The following MPRIP variants were observed in gnomAD, a reference collection of about 807,000 sequenced individuals.
MPRIP encodes myosin phosphatase Rho interacting protein, also known as myosin phosphatase Rho-interacting protein.
MPRIP carries 59 observed loss-of-function variants against 234.9 expected under a neutral mutation model. The ratio of observed to expected loss-of-function variants is 0.25; its 90% CI spans 0.20 to 0.31. The LOEUF (loss-of-function observed/expected upper bound fraction) is 0.31. MPRIP is among the 10% of genes least tolerant of loss of function. The pLI is 1.00. For missense variants in MPRIP, 2,436 were observed against 3,071.0 expected (o/e 0.79, Z 4.89); for synonymous variants, 1,144 against 1,263.9 (o/e 0.91, Z 2.01).
intron 3 of MPRIP, among the ~76,000 whole-genome samples, chr17:17,093,491 G>A (rs972614318): frequency 2.0e-5 from 3 of 152,116 alleles, no homozygotes; most frequent in African/African-American, 7.2e-5. Context: ...TTTTTCCGGG[G>A]CAGGGGGATT....
chr17:17,174,224 C>T, intron 19 of MPRIP, 149 bp downstream of exon 19: 1 of 986,624 alleles, frequency 1.0e-6, no homozygotes, highest in Non-Finnish European at 1.5e-6. Context: ...GGTTACCTGC[C>T]CCAGGGCTTC....
chr17:17,143,477 G>C, intron 8 of MPRIP, 79 bp from the exon 9 acceptor site: 1 of 906,356 alleles, frequency 1.1e-6, no homozygotes, highest in Non-Finnish European at 1.6e-6. Context: ...GCTCTTGGAG[G>C]GGTGGACAGC....
chr17:17,166,713 C>G lies in MPRIP; in HGVS notation c.5122C>G (p.Leu1708Val). ...QTALRQHKCL[L>V]REILGAYQTP... ...GGCCCTGCGGCAGCACAAATGCCTG[C>G]TGAGGGAAATCCTGGGAGCCTACCA... The change falls in exon 16 of 24, where the codon CTG (leucine) becomes GTG (valine). Residue 1708 changes from leucine (L) to valine (V), a missense_variant. Physicochemically the swap from Leu to Val is conservative, Grantham distance 32 (BLOSUM62 1). This residue lies in a region of MPRIP where 1,998 missense variants were observed against 2,520.3 expected (regional missense o/e 0.79). Transcript: ENST00000651222. The surrounding 1 kb of genome is among the most constrained non-coding windows in gnomAD (Gnocchi z 4.4). 1 of 1,304,168 alleles carries G rather than the reference C, an allele frequency of 7.7e-7. No homozygotes were observed. Among genetic ancestry groups the G allele is most frequent in the Non-Finnish European group, 1.0e-6 (1 of 988,960 alleles). The allele number at this position is 1,304,168 out of a possible 1,614,324, so 80.8% of individuals were successfully genotyped here.
chr17:17,151,148 G>A (rs2045593949), intron 12 of MPRIP, among the ~76,000 whole-genome samples: 1 of 152,000 alleles, frequency 6.6e-6, no homozygotes, highest in Non-Finnish European at 1.5e-5. Context: ...TGGGATTATA[G>A]GCATGAATCA....
At chr17:17,057,584 T>C in intron 1 of MPRIP, 1 of 717,840 alleles carries the variant, frequency 1.4e-6, no homozygotes. Flanking sequence ...AAAAGGCCTT[T>C]GCTACGCTGT....
rs2046500733 is a variant in MPRIP, at chr17:17,187,585, G to T, written c.*2691G>T. ...GGACATGCCCCAGGAACAGAGACTT[G>T]CCCAGGTGGCAACACTGGCACAGAT... is the stretch of plus-strand genomic sequence containing the variant. On this transcript the variant is annotated 3_prime_UTR_variant, in exon 24 of 24. Transcript: ENST00000651222. 1 of 152,236 alleles carries T rather than the reference G, an allele frequency of 6.6e-6. No homozygotes were observed. The highest frequency in any genetic ancestry group is 2.1e-4 in the South Asian group (1 of 4,834). 9.4% of individuals were successfully genotyped at this position (152,236 alleles called of 1,614,324 possible). A position where few individuals can be genotyped will look rare whatever the true frequency, so the allele number is the denominator to read the frequency against.
intron 3 of MPRIP, among the ~76,000 whole-genome samples, chr17:17,108,714 G>A (rs2090111387): frequency 6.6e-6 from 1 of 152,194 alleles, no homozygotes; most frequent in Non-Finnish European, 1.5e-5. Flanking sequence ...TGCTGGGGGT[G>A]GGGCCGGGTG....
Position 17,187,691 on chromosome 17 carries a change from C to T in MPRIP, c.*2797C>T, listed in dbSNP as rs1298996142. On this transcript the variant is annotated 3_prime_UTR_variant, in exon 24 of 24. Transcript: ENST00000651222. ...GCTGGGCCCTCTCTCCAGTTTCCTTCCTGCAGGCATCCAAATACCCTGGAA... is the reference window on the plus strand; with the variant it reads ...GCTGGGCCCTCTCTCCAGTTTCCTTTCTGCAGGCATCCAAATACCCTGGAA... 4 of 152,302 alleles carry T rather than the reference C, an allele frequency of 2.6e-5. No homozygotes were observed. Among genetic ancestry groups the T allele is most frequent in the Non-Finnish European group, 5.9e-5 (4 of 68,100 alleles). The allele number at this position is 152,302 out of a possible 1,614,324, so 9.4% of individuals were successfully genotyped here.
intron 3 of MPRIP, among the ~76,000 whole-genome samples, chr17:17,087,469 G>T (rs534642218): frequency 1.3e-5 from 2 of 152,376 alleles, no homozygotes; most frequent in South Asian, 4.1e-4. Context: ...GAACGTGCCA[G>T]AGTGAGCAGG....
intron 1 of MPRIP, among the ~76,000 whole-genome samples, chr17:17,044,967 T>C (rs1410166133): frequency 6.6e-6 from 1 of 152,160 alleles, no homozygotes; most frequent in Non-Finnish European, 1.5e-5. Flanking sequence ...AAACTGCTCT[T>C]GAAAAGAGAG....
intron 3 of MPRIP, among the ~76,000 whole-genome samples, chr17:17,108,191 T>G (rs1251468523): frequency 6.6e-6 from 1 of 152,222 alleles, no homozygotes; most frequent in Non-Finnish European, 1.5e-5. Flanking sequence ...TGAATCATAA[T>G]CGCAGCTCCA....
intron 1 of MPRIP, 25 bp downstream of exon 1, chr17:17,042,996 C>T (rs781062003): frequency 3.1e-6 from 5 of 1,603,716 alleles, no homozygotes; most frequent in Non-Finnish European, 4.3e-6. Context: ...CCGGCCCGGA[C>T]ACCTCCGTTC....
chr17:17,127,655 A>G (rs1291475243), intron 4 of MPRIP, among the ~76,000 whole-genome samples: 1 of 152,264 alleles, frequency 6.6e-6, no homozygotes, highest in South Asian at 2.1e-4. Context: ...TGTCTTGCTT[A>G]AGGCTGAGAA....
chr17:17,131,991 A>C (rs1263987249), intron 5 of MPRIP, among the ~76,000 whole-genome samples: 1 of 152,180 alleles, frequency 6.6e-6, no homozygotes, highest in Non-Finnish European at 1.5e-5. Context: ...TCCTGCTGGC[A>C]GCTGGGGAGG....
At chr17:17,131,800 C>A in intron 5 of MPRIP, 99 bp downstream of exon 5, 2 of 1,105,400 alleles carry the variant, frequency 1.8e-6, no homozygotes, top group Non-Finnish European at 2.7e-6. Flanking sequence ...CACAGTCAGG[C>A]CAGGGCTGAG....
At chr17:17,162,608 G>A (rs956672027) in intron 15 of MPRIP, among the ~76,000 whole-genome samples, 5 of 152,202 alleles carry the variant, frequency 3.3e-5, no homozygotes, top group Admixed American at 6.5e-5. Context: ...GGTCATTTGC[G>A]CTTGCCCTCC....
At chr17:17,157,966 G>A (rs756822840) in intron 13 of MPRIP, among the ~76,000 whole-genome samples, 3 of 152,218 alleles carry the variant, frequency 2.0e-5, no homozygotes, top group Non-Finnish European at 4.4e-5. Flanking sequence ...GGCCTCACCT[G>A]GCAGGTACGG....
At chr17:17,174,453 C>T (rs1412166331) in intron 19 of MPRIP, among the ~76,000 whole-genome samples, 1 of 152,268 alleles carries the variant, frequency 6.6e-6, no homozygotes, top group Non-Finnish European at 1.5e-5. Context: ...CCCAATCCTC[C>T]AGGATCCTGT....
chr17:17,158,551 G>A lies in MPRIP; in HGVS notation c.1949G>A (p.Arg650Gln), dbSNP rs566850945. 1.3e-5 allele frequency: 21 copies of A among 1,611,732 alleles called. No homozygotes were observed. The highest frequency in any genetic ancestry group is 1.1e-4 in the East Asian group (5 of 44,876). The change falls in exon 14 of 24, where the codon CGG (arginine) becomes CAG (glutamine). Residue 650 changes from arginine (R) to glutamine (Q), a missense_variant. This residue lies in a region of MPRIP where 1,998 missense variants were observed against 2,520.3 expected (regional missense o/e 0.79). Transcript: ENST00000651222. The stretch of plus-strand genomic sequence containing the variant: ...CCTGAGCAGAAGAGGAGCCGCGCAC[G>A]GGAGCGGAGGCGAGAGGGCCGCTCC... ...PDPEQKRSRA[R>Q]ERRREGRSKT...
Sources: allele counts gnomAD v4.1 joint callset (sites outside exome capture counted in the v4.1 genomes callset), GRCh38; gene constraint gnomAD v4.1.1; regional missense constraint gnomAD v4.1.1; non-coding constraint Gnocchi (gnomAD v3.1); transcripts MANE v1.5; gene names NCBI Gene and HGNC (gene_info 2026-07-23, HGNC 2026-07-21).